CEP85L: variants seen among roughly 807,000 people sequenced by gnomAD.
CEP85L encodes the protein centrosomal protein of 85 kDa-like.
CEP85L carries 60 observed loss-of-function variants against 100.3 expected under a neutral mutation model. The observed-to-expected ratio is 0.60, with a 90% confidence interval of 0.49 to 0.74. The LOEUF (loss-of-function observed/expected upper bound fraction) is 0.74. Ranked by LOEUF, CEP85L falls within the 30% of genes least tolerant of loss-of-function variation. The probability of loss-of-function intolerance (pLI) is 0.00; values close to 1 mark genes in which losing one functional copy is unlikely to be tolerated. For missense variants in CEP85L, 973 were observed against 936.2 expected, an observed-to-expected ratio of 1.04 and a Z score of -0.51; for synonymous variants, 319 against 322.7, an observed-to-expected ratio of 0.99 and a Z score of 0.12.
intron 2 of CEP85L, among the ~76,000 whole-genome samples, chr6:118,618,326 G>T (rs1253873773): frequency 6.6e-6 from 1 of 152,194 alleles, no homozygotes; most frequent in Non-Finnish European, 1.5e-5. Flanking sequence ...TTTTAAGGTG[G>T]TGTTCAGAAG....
chr6:118,513,100 A>C (rs1776064299), intron 4 of CEP85L, among the ~76,000 whole-genome samples: 2 of 152,216 alleles, frequency 1.3e-5, no homozygotes, highest in African/African-American at 4.8e-5. Context: ...AAAGTACAGT[A>C]AATTTAAAAA....
chr6:118,614,510 C>T (rs192153962), intron 2 of CEP85L, among the ~76,000 whole-genome samples: 9 of 152,242 alleles, frequency 5.9e-5, no homozygotes, highest in Admixed American at 3.9e-4. Context: ...AGAACTAATG[C>T]GTGAGTTCAG....
At chr6:118,527,038 G>T (rs1205826869) in intron 3 of CEP85L, among the ~76,000 whole-genome samples, 2 of 112,858 alleles carry the variant, frequency 1.8e-5, no homozygotes, top group Non-Finnish European at 3.4e-5. Flanking sequence ...TAATTGAGAC[G>T]CAGTCTCACT....
At chr6:118,486,240 G>T (rs1172189254) in intron 6 of CEP85L, among the ~76,000 whole-genome samples, 3 of 152,030 alleles carry the variant, frequency 2.0e-5, no homozygotes, top group African/African-American at 7.2e-5. Context: ...ACAAACAGAG[G>T]TTACTGAAGT....
Position 118,635,192 on chromosome 6 carries a change from A to C in CEP85L, c.74-2581T>G, listed in dbSNP as rs768829118. 9.9e-5 allele frequency among the ~76,000 whole-genome samples: 15 copies of C among 152,228 alleles called. 1 individual carries two copies. Among genetic ancestry groups the C allele is most frequent in the Non-Finnish European group, 2.2e-4 (15 of 68,030 alleles). On this transcript the variant is annotated intron_variant, in intron 1 of 12. Transcript: ENST00000368491. ...AAATATGAGTATAAGGACATTCCTG[A>C]CAGCACTGCTTAAAGTAAATGCCTA...
At chr6:118,471,794 AG>A (rs1181352723) in intron 10 of CEP85L, among the ~76,000 whole-genome samples, 4 of 151,508 alleles carry the variant, frequency 2.6e-5, no homozygotes, top group Non-Finnish European at 5.9e-5. Flanking sequence ...CAAGTCAACA[AG>A]GGGCTCTCTG....
At chr6:118,648,795 A>G (rs1775369667) in intron 1 of CEP85L, among the ~76,000 whole-genome samples, 1 of 151,630 alleles carries the variant, frequency 6.6e-6, no homozygotes, top group South Asian at 2.1e-4. Flanking sequence ...CTTTTCCTTT[A>G]GTCTAGTTAT....
chr6:118,515,396 A>C (rs1306364289), intron 4 of CEP85L, among the ~76,000 whole-genome samples: 1 of 152,180 alleles, frequency 6.6e-6, no homozygotes, highest in Non-Finnish European at 1.5e-5. Context: ...TACTAAAAGG[A>C]ATTTCTAGAA....
At chr6:118,684,460 T>A (rs1188949055) in intron 1 of CEP85L, among the ~76,000 whole-genome samples, 2 of 152,082 alleles carry the variant, frequency 1.3e-5, no homozygotes, top group African/African-American at 4.8e-5. Flanking sequence ...CAATGAGCTA[T>A]GATCACATCA....
At position 118,483,737 on chromosome 6, in the gene CEP85L, G is replaced by GAT; in HGVS notation, c.1558_1559insAT (p.Thr520AsnfsTer3). The GAT allele has an allele frequency of 6.2e-7, 1 of 1,613,706 alleles. No homozygotes were observed. The highest frequency in any genetic ancestry group is 8.5e-7 in the Non-Finnish European group (1 of 1,179,806). ...ACTCTGACTCTGTACATCATCTAGAGTTGGAAGATCAGCCAGATACTTTTC... is the reference window on the plus strand; with the variant it reads ...ACTCTGACTCTGTACATCATCTAGAGATTTGGAAGATCAGCCAGATACTTTTC... On this transcript the variant is annotated frameshift_variant, in exon 7 of 13. Transcript: ENST00000368491. LOFTEE classifies it high-confidence loss of function.
intron 1 of CEP85L, among the ~76,000 whole-genome samples, chr6:118,663,335 T>C (rs1776033781): frequency 6.6e-6 from 1 of 152,224 alleles, no homozygotes; most frequent in Non-Finnish European, 1.5e-5. Flanking sequence ...CATGAAAATG[T>C]CAACTGCAGT....
intron 4 of CEP85L, among the ~76,000 whole-genome samples, chr6:118,519,948 T>C (rs1776560674): frequency 6.6e-6 from 1 of 151,992 alleles, no homozygotes; most frequent in Admixed American, 6.6e-5. Flanking sequence ...CAAAGATAGA[T>C]AAAAAGGAAA....
chr6:118,480,214 A>G (rs1773674337), intron 9 of CEP85L, among the ~76,000 whole-genome samples, 182 bp downstream of exon 9: 1 of 152,160 alleles, frequency 6.6e-6, no homozygotes, highest in Non-Finnish European at 1.5e-5. Flanking sequence ...TTTTATTTCA[A>G]TTATTTAATT....
intron 2 of CEP85L, among the ~76,000 whole-genome samples, chr6:118,616,363 AAAAAAC>A (rs1350370746): frequency 9.9e-5 from 15 of 152,044 alleles, no homozygotes; most frequent in African/African-American, 1.9e-4. Flanking sequence ...CTGTCCTTAC[AAAAAAC>A]AAAAACAAAA....
chr6:118,707,325 C>G (rs1354123922), intron 1 of CEP85L, among the ~76,000 whole-genome samples: 1 of 152,082 alleles, frequency 6.6e-6, no homozygotes, highest in Non-Finnish European at 1.5e-5. Flanking sequence ...TCCCCAGTAG[C>G]TGGGACTACA....
At chr6:118,552,065 A>G (rs1269975316) in intron 3 of CEP85L, among the ~76,000 whole-genome samples, 1 of 152,082 alleles carries the variant, frequency 6.6e-6, no homozygotes, top group Admixed American at 6.5e-5. Flanking sequence ...TATTCAATCT[A>G]TAGAAAATTC....
upstream of CEP85L, chr6:118,651,867 C>G (rs1254177470): frequency 1.0e-6 from 1 of 985,538 alleles, no homozygotes; most frequent in African/African-American, 1.7e-5. Flanking sequence ...TCGCCCCTCC[C>G]TTGGGTAATC....
chr6:118,520,274 A>T (rs1162356235), intron 4 of CEP85L, among the ~76,000 whole-genome samples: 2 of 152,372 alleles, frequency 1.3e-5, no homozygotes, highest in Admixed American at 1.3e-4. Context: ...CTTTAATCAC[A>T]GACAACATGA....
intron 2 of CEP85L, among the ~76,000 whole-genome samples, chr6:118,595,351 G>A (rs1473573622): frequency 3.3e-5 from 5 of 152,164 alleles, no homozygotes; most frequent in African/African-American, 1.2e-4. Context: ...AAAAAGTGGT[G>A]CTGCTAATGT....
Sources: allele counts gnomAD v4.1 joint callset (sites outside exome capture counted in the v4.1 genomes callset), GRCh38; gene constraint gnomAD v4.1.1; transcripts MANE v1.5; gene names NCBI Gene and HGNC (gene_info 2026-07-23, HGNC 2026-07-21).